Variants in IGFN1 observed in about 807,000 individuals in gnomAD.
The protein encoded by IGFN1 is immunoglobulin-like and fibronectin type III domain-containing protein 1.
A neutral mutation model predicts 289.5 loss-of-function variants in IGFN1; 253 were observed. The observed-to-expected ratio is 0.87, with a 90% CI of 0.79 to 0.97. The LOEUF is 0.97. Ranked by LOEUF, IGFN1 falls within the 50% of genes least tolerant of loss-of-function variation. The probability of loss-of-function intolerance (pLI) is 0.00; values close to 1 mark genes in which losing one functional copy is unlikely to be tolerated. For synonymous variants in IGFN1, 1,706 were observed against 1,788.5 expected (o/e 0.95, Z 1.16); for missense variants, 4,470 against 4,686.1 (o/e 0.95, Z 1.35).
At chr1:201,224,999 T>C (rs1044648737) in intron 21 of IGFN1, 125 bp downstream of exon 21, 3 of 634,694 alleles carry the variant, frequency 4.7e-6, no homozygotes, top group African/African-American at 1.9e-5. Flanking sequence ...AAGTGACCAT[T>C]CTCCACCTTT....
intron 2 of IGFN1, among the ~76,000 whole-genome samples, chr1:201,193,565 C>T (rs1175091664): frequency 6.6e-6 from 1 of 152,218 alleles, no homozygotes; most frequent in Non-Finnish European, 1.5e-5. Context: ...GATTCTCCCA[C>T]CTCAGCCTCC....
chr1:201,205,604 G>A (rs1473404503), intron 11 of IGFN1, among the ~76,000 whole-genome samples: 1 of 152,168 alleles, frequency 6.6e-6, no homozygotes, highest in African/African-American at 2.4e-5. Flanking sequence ...GCAGCCTTGG[G>A]ACAGTGGCCC....
Position 201,225,929 on chromosome 1 carries a change from A to T in IGFN1, c.10592A>T (p.His3531Leu), listed in dbSNP as rs542708405. ...GACGAGGCCCAGGATGTCCCGCTGC[A>T]CTACGCGGTGTTCACACGCTCCTCA... Reference protein sequence around the residue: ...SPDEAQDVPLHYAVFTRSSAH... With the variant: ...SPDEAQDVPLLYAVFTRSSAH... Residue 3531 changes from histidine (H) to leucine (L), a missense_variant, in exon 22 of 24, where the codon CAC (histidine) becomes CTC (leucine). This residue lies in a region of IGFN1 where 2,218 missense variants were observed against 2,114.1 expected (regional missense o/e 1.05). Coordinates refer to ENST00000335211, the MANE Select transcript of IGFN1 (RefSeq NM_001164586.2). 1 of 1,606,080 alleles carries T rather than the reference A, an allele frequency of 6.2e-7. No homozygotes were observed. The highest frequency in any genetic ancestry group is 2.2e-5 in the East Asian group (1 of 44,836).
chr1:201,196,960 C>A (rs1267236358), intron 4 of IGFN1, among the ~76,000 whole-genome samples: 36 of 151,970 alleles, frequency 2.4e-4, no homozygotes, highest in Admixed American at 2.4e-3. Flanking sequence ...TGTTTTCAGG[C>A]CCAGATCCAT....
At chr1:201,202,193 G>A (rs773474629) in intron 9 of IGFN1, among the ~76,000 whole-genome samples, 6 of 152,166 alleles carry the variant, frequency 3.9e-5, no homozygotes, top group Non-Finnish European at 8.8e-5. Flanking sequence ...GGCTCTAGGA[G>A]TAATTATCTG....
intron 3 of IGFN1, 145 bp downstream of exon 3, chr1:201,194,418 G>C: frequency 1.2e-6 from 1 of 866,842 alleles, no homozygotes; most frequent in Non-Finnish European, 1.7e-6. Flanking sequence ...CTATCCTTGA[G>C]GGGGTATGTG....
In IGFN1 at chr1:201,210,439, T is replaced by C; in HGVS notation, c.5546T>C (p.Val1849Ala). ...GLGGSGEMGS[V>A]NEAGYRKDLG... is the part of the protein sequence containing the mutation. ...GGGGGTTCTGGAGAAATGGGGTCAG[T>C]GAATGAAGCAGGTTATAGGAAGGAT... Residue 1849 changes from valine to alanine, a missense_variant, in exon 12 of 24, where the codon GTG becomes GCG. Around this residue, in one of 8 missense-constraint regions of IGFN1, gnomAD observed 33 missense variants for 259.7 expected, o/e 0.13. Transcript: ENST00000335211. 1.5e-6 allele frequency: 2 copies of C among 1,337,192 alleles called. No individual in the cohort carries two copies. Among genetic ancestry groups the C allele is most frequent in the Non-Finnish European group, 2.0e-6 (2 of 1,013,060 alleles). 82.8% of individuals were successfully genotyped at this position (1,337,192 alleles called of 1,614,324 possible).
At position 201,215,839 on chromosome 1, in the gene IGFN1, G is replaced by A; in HGVS notation, c.9295+1G>A. On this transcript the variant is annotated splice_donor_variant, in intron 15 of 23. Coordinates refer to ENST00000335211, the MANE Select transcript of IGFN1 (RefSeq NM_001164586.2). LOFTEE classifies it high-confidence loss of function. ...GCCGAGCTCACTCTGCAAGTCATAG[G>A]TACCAGCCCTGTCTTCCCCCAACTA... is the stretch of plus-strand genomic sequence containing the variant. 6.2e-7 allele frequency: 1 copy of A among 1,603,708 alleles called. No homozygotes were observed. The highest frequency in any genetic ancestry group is 8.5e-7 in the Non-Finnish European group (1 of 1,175,252).
At position 201,205,213 on chromosome 1, in the gene IGFN1, C is replaced by T. The variant is rs370332278; in HGVS notation, c.1048C>T (p.Pro350Ser). 5.2e-6 allele frequency: 8 copies of T among 1,551,216 alleles called. No homozygotes were observed. The South Asian group carries it at 7.1e-5, about 14-fold the overall frequency. Reference sequence around the variant, plus strand: ...GCATTTCCGGCACCGGCTACTCCACCCCAGTGACAAATATGAAGTGTATGT... The same window carrying T: ...GCATTTCCGGCACCGGCTACTCCACTCCAGTGACAAATATGAAGTGTATGT... ...AWHFRHRLLH[P>S]SDKYEVYVSP... is the part of the protein sequence containing the mutation. Residue 350 changes from proline (P) to serine (S), a missense_variant, in exon 11 of 24, where the codon CCC becomes TCC. Around this residue, in one of 8 missense-constraint regions of IGFN1, gnomAD observed 2,011 missense variants for 1,953.4 expected, o/e 1.03. Coordinates refer to ENST00000335211, the MANE Select transcript of IGFN1 (RefSeq NM_001164586.2).
intron 10 of IGFN1, among the ~76,000 whole-genome samples, chr1:201,204,822 T>C (rs1351871659): frequency 1.3e-5 from 2 of 152,238 alleles, no homozygotes; most frequent in Admixed American, 1.3e-4. Flanking sequence ...TGCATCCACC[T>C]TGTCCCTAAA....
At chr1:201,199,403 C>G (rs762258937) in intron 6 of IGFN1, 25 bp downstream of exon 6, 2 of 1,549,848 alleles carry the variant, frequency 1.3e-6, no homozygotes, top group South Asian at 1.2e-5. Context: ...CAGAAACCTC[C>G]TTGGGGGCCT....
In IGFN1 at chr1:201,221,444, G is replaced by T. The variant is rs1363455591; in HGVS notation, c.9899G>T (p.Arg3300Ile). ...SDAVFARDPM[R>I]PPGLVRNLQV... The stretch of plus-strand genomic sequence containing the variant: ...CTGACTCTCCCATGGTGCCTGGCAG[G>T]ACCCCCTGGGCTGGTGAGGAATCTC... The change falls in exon 19 of 24, where the codon AGA (arginine) becomes ATA (isoleucine). Residue 3300 changes from arginine to isoleucine, a missense_variant and splice_region_variant. Arg to Ile is a moderately conservative substitution (Grantham distance 97). Transcript: ENST00000335211. 1.3e-6 allele frequency: 2 copies of T among 1,566,308 alleles called. No individual in the cohort carries two copies. The highest frequency in any genetic ancestry group is 1.3e-5 in the African/African-American group (1 of 74,240).
At chr1:201,214,443 A>T in intron 13 of IGFN1, 142 bp downstream of exon 13, 1 of 833,812 alleles carries the variant, frequency 1.2e-6, no homozygotes, top group Non-Finnish European at 1.8e-6. Flanking sequence ...AAGTTTAAAT[A>T]GCCAATAACT....
At position 201,206,922 on chromosome 1, in the gene IGFN1, G is replaced by A. The variant is rs1007431338; in HGVS notation, c.2029G>A (p.Glu677Lys). Reference protein sequence around the residue: ...SNGAGGPGTLELTGGRGSGSK... With the variant: ...SNGAGGPGTLKLTGGRGSGSK... ...TGGGGCAGGAGGTCCTGGCACCCTG[G>A]AGCTTACTGGAGGAAGAGGTTCTGG... The change falls in exon 12 of 24, where the codon GAG (glutamate) becomes AAG (lysine). Residue 677 changes from glutamate (E) to lysine (K), a missense_variant. By Grantham distance (56) the Glu-to-Lys change is moderately conservative (BLOSUM62 1). This residue lies in a region of IGFN1 where 2,011 missense variants were observed against 1,953.4 expected (regional missense o/e 1.03). Transcript: ENST00000335211. The A allele has an allele frequency of 3.3e-6, 5 of 1,536,314 alleles. No individual in the cohort carries two copies. In the African/African-American group the frequency reaches 6.8e-5, roughly 21 times the overall value.
chr1:201,213,530 G>T lies in IGFN1; in HGVS notation c.8637G>T (p.Arg2879Ser), dbSNP rs752434078. The T allele has an allele frequency of 1.2e-6, 2 of 1,614,066 alleles. No homozygotes were observed. The highest frequency in any genetic ancestry group is 8.5e-7 in the Non-Finnish European group (1 of 1,179,958). ...LGSRRSGKDG[R>S]LDIYGERRDA... ...GCAGGAGAAGTGGCAAAGACGGCAGGTTGGACATCTATGGAGAGAGGAGAG... is the reference window on the plus strand; with the variant it reads ...GCAGGAGAAGTGGCAAAGACGGCAGTTTGGACATCTATGGAGAGAGGAGAG... The change falls in exon 12 of 24, where the codon AGG (arginine) becomes AGT (serine). Residue 2879 changes from arginine to serine, a missense_variant. Coordinates refer to ENST00000335211, the MANE Select transcript of IGFN1 (RefSeq NM_001164586.2).
chr1:201,200,732 T>C (rs867633985), intron 8 of IGFN1, among the ~76,000 whole-genome samples: 2 of 152,132 alleles, frequency 1.3e-5, no homozygotes, highest in Non-Finnish European at 2.9e-5. Context: ...GGAGGATAAA[T>C]GAGAGAATGT....
At chr1:201,202,176 C>T (rs1261152516) in intron 9 of IGFN1, among the ~76,000 whole-genome samples, 3 of 152,200 alleles carry the variant, frequency 2.0e-5, no homozygotes, top group African/African-American at 7.2e-5. Context: ...TCATACATCC[C>T]TACCTGGGCT....
chr1:201,201,970 G>GT (rs1348302673), intron 9 of IGFN1, 138 bp downstream of exon 9: 4 of 618,666 alleles, frequency 6.5e-6, no homozygotes, highest in Non-Finnish European at 1.2e-5. Context: ...ATCCCATGGA[G>GT]TTCCTGGCTG....
chr1:201,193,663 G>C (rs564613976), intron 2 of IGFN1, among the ~76,000 whole-genome samples: 1 of 152,156 alleles, frequency 6.6e-6, no homozygotes, highest in Admixed American at 6.5e-5. Flanking sequence ...TGTTGGTCAG[G>C]CTGGTCTCGA....
Sources: allele counts gnomAD v4.1 joint callset (sites outside exome capture counted in the v4.1 genomes callset), GRCh38; gene constraint gnomAD v4.1.1; regional missense constraint gnomAD v4.1.1; transcripts MANE v1.5; gene names NCBI Gene and HGNC (gene_info 2026-07-23, HGNC 2026-07-21).